Variants in MALRD1 observed in about 807,000 individuals in gnomAD.
MALRD1 encodes MAM and LDL receptor class A domain containing 1, also known as MAM and LDL-receptor class A domain-containing protein 1.
In MALRD1, 247 loss-of-function variants were observed where a neutral mutation model predicts 242.1. The observed-to-expected ratio is 1.02, with a 90% CI of 0.92 to 1.13. The LOEUF is 1.13. MALRD1 is among the 50% of genes most tolerant of loss of function. The pLI is 0.00. For synonymous variants in MALRD1, 995 were observed against 866.6 expected (o/e 1.15, Z -2.60); for missense variants, 2,989 against 2,533.1 (o/e 1.18, Z -3.86).
At chr10:19,390,688 A>G (rs971938171) in intron 28 of MALRD1, among the ~76,000 whole-genome samples, 2 of 152,062 alleles carry the variant, frequency 1.3e-5, no homozygotes, top group Admixed American at 6.6e-5. Context: ...TTAATGACAC[A>G]TGAGCTTTGG....
intron 36 of MALRD1, among the ~76,000 whole-genome samples, chr10:19,640,004 C>G (rs918722002): frequency 1.3e-5 from 2 of 152,152 alleles, no homozygotes; most frequent in South Asian, 2.1e-4. Context: ...TTCTTTCCCC[C>G]CAATGCATAG....
chr10:19,246,121 T>TA (rs773665457), intron 18 of MALRD1, among the ~76,000 whole-genome samples: 47 of 152,276 alleles, frequency 3.1e-4, no homozygotes, highest in African/African-American at 1.0e-3. Flanking sequence ...GGTAGACAAC[T>TA]GACTATATTA....
At chr10:19,432,640 G>A (rs575894174) in intron 28 of MALRD1, among the ~76,000 whole-genome samples, 14 of 152,124 alleles carry the variant, frequency 9.2e-5, no homozygotes, top group Non-Finnish European at 1.6e-4. Context: ...GACAGACAAT[G>A]AACAAATATG....
At chr10:19,249,042 C>G (rs1166044963) in intron 18 of MALRD1, among the ~76,000 whole-genome samples, 1 of 146,610 alleles carries the variant, frequency 6.8e-6, no homozygotes, top group African/African-American at 2.5e-5. Flanking sequence ...AAAACATACA[C>G]ATATGTGTGT....
intron 32 of MALRD1, among the ~76,000 whole-genome samples, chr10:19,532,343 C>T (rs1834452302): frequency 6.6e-6 from 1 of 152,162 alleles, no homozygotes; most frequent in African/African-American, 2.4e-5. Flanking sequence ...GAACCTCCGC[C>T]TCCCAGGTTC....
intron 14 of MALRD1, among the ~76,000 whole-genome samples, chr10:19,178,994 G>T (rs952690827): frequency 2.6e-5 from 4 of 152,150 alleles, no homozygotes; most frequent in Admixed American, 1.3e-4. Flanking sequence ...AACCAGATTC[G>T]CTTTAAACTA....
At chr10:19,061,519 G>A (rs890026102) in intron 1 of MALRD1, among the ~76,000 whole-genome samples, 4 of 151,966 alleles carry the variant, frequency 2.6e-5, no homozygotes, top group African/African-American at 7.3e-5. Context: ...GAAAGTAAGA[G>A]GTCTAACACT....
intron 21 of MALRD1, among the ~76,000 whole-genome samples, chr10:19,301,480 C>T (rs1015323892): frequency 2.0e-5 from 3 of 151,810 alleles, no homozygotes; most frequent in African/African-American, 7.2e-5. Context: ...CCATCAACAG[C>T]AGACAGGATA....
At chr10:19,362,589 A>G (rs147230418) in intron 26 of MALRD1, among the ~76,000 whole-genome samples, 4 of 152,234 alleles carry the variant, frequency 2.6e-5, no homozygotes, top group East Asian at 1.9e-4. Context: ...GAAGAGGCCA[A>G]TGTAGCTGAG....
intron 2 of MALRD1, among the ~76,000 whole-genome samples, chr10:19,076,862 G>C (rs371583298): frequency 4.6e-4 from 70 of 152,000 alleles, no homozygotes; most frequent in African/African-American, 1.6e-3. Flanking sequence ...GAATTGCATT[G>C]AATTGGTAGA....
chr10:19,570,247 G>A (rs1178126546), intron 33 of MALRD1, among the ~76,000 whole-genome samples: 1 of 151,976 alleles, frequency 6.6e-6, no homozygotes, highest in Non-Finnish European at 1.5e-5. Flanking sequence ...ATTGATTCAG[G>A]CAGATGCTTT....
In MALRD1 at chr10:19,066,669, T is replaced by A. The variant is rs187383701; in HGVS notation, c.200-50T>A. On this transcript the variant is annotated intron_variant, in intron 1 of 39. Coordinates refer to ENST00000454679, the MANE Select transcript of MALRD1 (RefSeq NM_001142308.3). The stretch of plus-strand genomic sequence containing the variant: ...ATTTTTCTGCTATTGTCTTATTTTT[T>A]AAAAAGCTAAACACAGTTGTGAAAA... 386 of 1,217,226 alleles carry A rather than the reference T, an allele frequency of 3.2e-4. 1 individual carries two copies. The African/African-American group carries it at 4.7e-3, about 15-fold the overall frequency. The allele number at this position is 1,217,226 out of a possible 1,614,324, so 75.4% of individuals were successfully genotyped here.
At chr10:19,163,039 G>T (rs1416070069) in intron 12 of MALRD1, among the ~76,000 whole-genome samples, 1 of 146,398 alleles carries the variant, frequency 6.8e-6, no homozygotes, top group Non-Finnish European at 1.5e-5. Flanking sequence ...TGAGAAGGCT[G>T]AGTTGGGAGA....
At chr10:19,317,890 A>G (rs567035357) in intron 21 of MALRD1, among the ~76,000 whole-genome samples, 2 of 152,240 alleles carry the variant, frequency 1.3e-5, no homozygotes, top group Non-Finnish European at 2.9e-5. Context: ...CTTGTACATT[A>G]TCACCTTGGA....
Position 19,331,485 on chromosome 10 carries a change from A to C in MALRD1, c.3804A>C (p.Glu1268Asp). Residue 1268 changes from glutamate to aspartate, a missense_variant, in exon 24 of 40, where the codon GAA becomes GAC. Transcript: ENST00000454679. ...LSPERKCTDHEFMCANKHCIA... is the reference protein window; with the variant it reads ...LSPERKCTDHDFMCANKHCIA... Reference sequence around the variant, plus strand: ...CAGAGAGAAAGTGTACTGATCATGAATTCATGTGTGCTAATAAGCACTGCA... The same window carrying C: ...CAGAGAGAAAGTGTACTGATCATGACTTCATGTGTGCTAATAAGCACTGCA... 1 of 1,550,414 alleles carries C rather than the reference A, an allele frequency of 6.4e-7. No homozygotes were observed. The highest frequency in any genetic ancestry group is 8.7e-7 in the Non-Finnish European group (1 of 1,146,822).
chr10:19,254,067 C>A (rs1004083034), intron 18 of MALRD1, among the ~76,000 whole-genome samples: 1 of 151,968 alleles, frequency 6.6e-6, no homozygotes, highest in Non-Finnish European at 1.5e-5. Context: ...CTTGAGGCCT[C>A]CCCAGCCCTA....
intron 33 of MALRD1, among the ~76,000 whole-genome samples, chr10:19,588,602 A>G (rs533754155): frequency 1.3e-5 from 2 of 152,288 alleles, no homozygotes; most frequent in African/African-American, 4.8e-5. Flanking sequence ...TCTCAAAACT[A>G]ATTTGTACAC....
intron 38 of MALRD1, among the ~76,000 whole-genome samples, chr10:19,723,382 A>G (rs1234638228): frequency 6.6e-6 from 1 of 152,118 alleles, no homozygotes; most frequent in Non-Finnish European, 1.5e-5. Flanking sequence ...CGACAGAAAT[A>G]ATCATCCATG....
Position 19,088,201 on chromosome 10 carries a change from T to G in MALRD1, c.597+16T>G. ...GAGATTTCAGGTATGTGTGTTCTAT[T>G]TTCTAACTATGGCCTTGAAGAAAAA... On this transcript the variant is annotated intron_variant, in intron 4 of 39. Coordinates refer to ENST00000454679, the MANE Select transcript of MALRD1 (RefSeq NM_001142308.3). 8.1e-7 allele frequency: 1 copy of G among 1,232,820 alleles called. No homozygotes were observed. Among genetic ancestry groups the G allele is most frequent in the Non-Finnish European group, 1.0e-6 (1 of 987,340 alleles). 76.4% of individuals were successfully genotyped at this position (1,232,820 alleles called of 1,614,324 possible). A position where few individuals can be genotyped will look rare whatever the true frequency, so the allele number is the denominator to read the frequency against.
Sources: allele counts gnomAD v4.1 joint callset (sites outside exome capture counted in the v4.1 genomes callset), GRCh38; gene constraint gnomAD v4.1.1; transcripts MANE v1.5; gene names NCBI Gene and HGNC (gene_info 2026-07-23, HGNC 2026-07-21).